The following VPS13D variants were observed in gnomAD, a reference collection of about 807,000 sequenced individuals.
VPS13D encodes vacuolar protein sorting 13 homolog D, also known as intermembrane lipid transfer protein VPS13D.
VPS13D carries 187 observed loss-of-function variants against 461.9 expected under a neutral mutation model. That is an observed-to-expected ratio of 0.40 (90% CI 0.36 to 0.46). The LOEUF is 0.46. Among genes scored for constraint, VPS13D ranks in the 20% least tolerant of loss-of-function variants. The pLI is 0.60. For missense variants in VPS13D, 4,711 were observed against 5,364.9 expected (o/e 0.88, Z 3.81); for synonymous variants, 1,951 against 1,986.3 (o/e 0.98, Z 0.47).
At chr1:12,431,931 G>A (rs1321793615) in intron 65 of VPS13D, among the ~76,000 whole-genome samples, 1 of 152,188 alleles carries the variant, frequency 6.6e-6, no homozygotes. Context: ...GTGGGCAGTG[G>A]TGAGATGTAG....
intron 1 of VPS13D, among the ~76,000 whole-genome samples, chr1:12,231,499 A>G (rs551737190): frequency 8.5e-5 from 13 of 152,326 alleles, no homozygotes; most frequent in African/African-American, 3.1e-4. Context: ...CTTGTTTACA[A>G]ACTGACAGTT....
chr1:12,245,371 GACAA>G (rs1377812869), intron 5 of VPS13D, among the ~76,000 whole-genome samples: 1 of 151,998 alleles, frequency 6.6e-6, no homozygotes, highest in Non-Finnish European at 1.5e-5. Flanking sequence ...ACTTTCCTTT[GACAA>G]ACAAATTTAT....
In VPS13D at chr1:12,256,373, A is replaced by G. The variant is rs1640921433; in HGVS notation, c.710A>G (p.Tyr237Cys). The change falls in exon 8 of 70, where the codon TAC becomes TGC. Residue 237 changes from tyrosine (Y) to cysteine (C), a missense_variant. Physicochemically the swap from Tyr to Cys is radical, Grantham distance 194. This residue lies in a region of VPS13D where 4,411 missense variants were observed against 4,937.8 expected (regional missense o/e 0.89). Transcript: ENST00000620676. ...ARSMESRSHHYVLEPVFASAL... is the reference protein window; with the variant it reads ...ARSMESRSHHCVLEPVFASAL... ...AGCATGGAGAGTCGCAGCCATCACT[A>G]CGTCCTGGAGCCTGTGTTTGCATCT... The G allele has an allele frequency of 2.5e-6, 4 of 1,614,038 alleles. No homozygotes were observed. The highest frequency in any genetic ancestry group is 3.4e-6 in the Non-Finnish European group (4 of 1,180,004).
In VPS13D at chr1:12,433,526, C is replaced by T. The variant is rs116100908; in HGVS notation, c.12333+16699C>T. 6.0e-3 allele frequency among the ~76,000 whole-genome samples: 916 copies of T among 152,298 alleles called. 14 individuals carry two copies. The highest frequency in any genetic ancestry group is 0.021 in the African/African-American group (867 of 41,542). ...GAAGAGTATTAGTTGTTTAATAAAG[C>T]GTGCCTGCCCTCCCGATGAACCCGC... On this transcript the variant is annotated intron_variant, in intron 65 of 69. Coordinates refer to ENST00000620676, the MANE Select transcript of VPS13D (RefSeq NM_015378.4).
At chr1:12,499,370 C>A in intron 68 of VPS13D, 1 of 807,274 alleles carries the variant, frequency 1.2e-6, no homozygotes, top group Non-Finnish European at 1.5e-6. Context: ...TTTTTAGTCA[C>A]AGGCTAAATG....
At chr1:12,357,738 G>A (rs965459665) in intron 49 of VPS13D, among the ~76,000 whole-genome samples, 9 of 152,160 alleles carry the variant, frequency 5.9e-5, no homozygotes, top group Admixed American at 1.3e-4. Context: ...GGCTGGGTAC[G>A]GTGGCTCATG....
chr1:12,330,860 G>C (rs532650308), intron 37 of VPS13D, among the ~76,000 whole-genome samples: 60 of 152,200 alleles, frequency 3.9e-4, no homozygotes, highest in African/African-American at 1.4e-3. Context: ...GAGCCACTGC[G>C]CCCAGCCAAG....
intron 65 of VPS13D, among the ~76,000 whole-genome samples, chr1:12,451,238 T>A (rs1645258995): frequency 6.6e-6 from 1 of 152,242 alleles, no homozygotes; most frequent in South Asian, 2.1e-4. Flanking sequence ...TCTCCATTTG[T>A]GTAGACAATG....
At position 12,473,666 on chromosome 1, in the gene VPS13D, C is replaced by T. The variant is rs1313782783; in HGVS notation, c.12662+13270C>T. 1.3e-5 allele frequency among the ~76,000 whole-genome samples: 2 copies of T among 152,096 alleles called. No individual in the cohort carries two copies. Among genetic ancestry groups the T allele is most frequent in the Non-Finnish European group, 2.9e-5 (2 of 68,010 alleles). ...AAATGGTGTCAGTGTGAATATTCTCCCCTGAATGTTGGAATGTTGTGTGAA... is the reference window on the plus strand; with the variant it reads ...AAATGGTGTCAGTGTGAATATTCTCTCCTGAATGTTGGAATGTTGTGTGAA... On this transcript the variant is annotated intron_variant, in intron 67 of 69. Coordinates refer to ENST00000620676, the MANE Select transcript of VPS13D (RefSeq NM_015378.4). The surrounding 1 kb of genome is among the most constrained non-coding windows in gnomAD (Gnocchi z 4.2).
chr1:12,242,588 C>T lies in VPS13D; in HGVS notation c.173C>T (p.Ala58Val), dbSNP rs1352358804. The change falls in exon 3 of 70, where the codon GCT (alanine) becomes GTT (valine). Residue 58 changes from alanine (A) to valine (V), a missense_variant and splice_region_variant. By Grantham distance (64) the Ala-to-Val change is moderately conservative (BLOSUM62 0). Coordinates refer to ENST00000620676, the MANE Select transcript of VPS13D (RefSeq NM_015378.4). ...KELELPFEVK[A>V]GFIGKVTLQI... is the part of the protein sequence containing the mutation. ...TTGGAATTACCATTTGAAGTCAAAGCTGGTATGTGGAACTAAAGGAGGGGG... is the reference window on the plus strand; with the variant it reads ...TTGGAATTACCATTTGAAGTCAAAGTTGGTATGTGGAACTAAAGGAGGGGG... 2 of 1,613,776 alleles carry T rather than the reference C, an allele frequency of 1.2e-6. No individual in the cohort carries two copies. The highest frequency in any genetic ancestry group is 1.7e-5 in the Admixed American group (1 of 60,006).
In VPS13D at chr1:12,336,130, T is replaced by C. The variant is rs546786615; in HGVS notation, c.8551+303T>C. ...CCTGAGAATGCATCAGGATCAGCTG[T>C]GGTTTGTGTTTTACTCTGCAAAACA... On this transcript the variant is annotated intron_variant, in intron 39 of 69. Transcript: ENST00000620676. 8.5e-5 allele frequency: 22 copies of C among 259,604 alleles called. No individual in the cohort carries two copies. The South Asian group carries it at 1.3e-3, about 16-fold the overall frequency. The allele number at this position is 259,604 out of a possible 1,614,324, so 16.1% of individuals were successfully genotyped here.
Position 12,318,185 on chromosome 1 carries a change from A to G in VPS13D, c.7262A>G (p.Lys2421Arg). 6.2e-7 allele frequency: 1 copy of G among 1,614,212 alleles called. No individual in the cohort carries two copies. The highest frequency in any genetic ancestry group is 8.5e-7 in the Non-Finnish European group (1 of 1,180,040). Residue 2421 changes from lysine to arginine, a missense_variant, in exon 31 of 70, where the codon AAG (lysine) becomes AGG (arginine). Lys to Arg is a conservative substitution (Grantham distance 26). Coordinates refer to ENST00000620676, the MANE Select transcript of VPS13D (RefSeq NM_015378.4). ...HDFLHTPSDI[K>R]KQNHVTPSRH... Reference sequence around the variant, plus strand: ...TTTCTCCACACTCCCAGTGATATTAAGAAACAAAATCATGTTACTCCTTCT... The same window carrying G: ...TTTCTCCACACTCCCAGTGATATTAGGAAACAAAATCATGTTACTCCTTCT...
intron 60 of VPS13D, among the ~76,000 whole-genome samples, chr1:12,390,976 A>G (rs1269549410): frequency 6.6e-6 from 1 of 152,194 alleles, no homozygotes; most frequent in Non-Finnish European, 1.5e-5. Context: ...GAGCACTCAC[A>G]TGGGATACAA....
intron 2 of VPS13D, among the ~76,000 whole-genome samples, chr1:12,239,995 C>T (rs1234910418): frequency 1.3e-5 from 2 of 152,100 alleles, no homozygotes; most frequent in Non-Finnish European, 1.5e-5. Flanking sequence ...AGGGACCTTT[C>T]CCTGCAGGGC....
At position 12,321,887 on chromosome 1, in the gene VPS13D, G is replaced by T. The variant is rs780899902; in HGVS notation, c.7627G>T (p.Val2543Leu). 3.1e-6 allele frequency: 5 copies of T among 1,613,672 alleles called. No individual in the cohort carries two copies. In the South Asian group the frequency reaches 4.4e-5, roughly 14 times the overall value. ...VDPVQIQMEL[V>L]GNSSYQNSSG... ...TCCCGTACAAATTCAAATGGAGTTG[G>T]TGGGGAATTCTTCTTATCAAAATAG... Residue 2543 changes from valine to leucine, a missense_variant, in exon 33 of 70, where the codon GTG becomes TTG. Physicochemically the swap from Val to Leu is conservative, Grantham distance 32 (BLOSUM62 1). Coordinates refer to ENST00000620676, the MANE Select transcript of VPS13D (RefSeq NM_015378.4).
intron 2 of VPS13D, among the ~76,000 whole-genome samples, chr1:12,237,099 GTA>G (rs1194937021): frequency 1.3e-5 from 2 of 151,216 alleles, no homozygotes; most frequent in African/African-American, 4.9e-5. Flanking sequence ...ATATATGTGT[GTA>G]TGTGTGTATA....
At chr1:12,263,312 G>A (rs1030777195) in intron 13 of VPS13D, among the ~76,000 whole-genome samples, 6 of 152,296 alleles carry the variant, frequency 3.9e-5, no homozygotes, top group African/African-American at 9.6e-5. Context: ...TGTTCACAGT[G>A]TGAGAGCTGA....
intron 24 of VPS13D, among the ~76,000 whole-genome samples, chr1:12,295,095 G>A (rs529688974): frequency 3.7e-4 from 56 of 151,848 alleles, no homozygotes; most frequent in African/African-American, 1.3e-3. Context: ...GGTGAGGCAT[G>A]TGTCTGTAGT....
rs1305958622 is a variant in VPS13D at position 12,260,991 on chromosome 1, G to T, written c.1256G>T (p.Gly419Val). Residue 419 changes from glycine to valine, a missense_variant, in exon 12 of 70, where the codon GGA (glycine) becomes GTA (valine). Gly to Val is a moderately radical substitution (Grantham distance 109, BLOSUM62 -3). This residue lies in a region of VPS13D where 4,411 missense variants were observed against 4,937.8 expected (regional missense o/e 0.89). Transcript: ENST00000620676. The stretch of plus-strand genomic sequence containing the variant: ...TTTGATTCTCCAGGAGCCTGTCCGG[G>T]AGCCCCAGAACCCGGTGGAGGCAGT... ...PQFDSPGACP[G>V]APEPGGGSGM... The T allele has an allele frequency of 6.2e-7, 1 of 1,613,870 alleles. No individual in the cohort carries two copies.
Sources: gnomAD v4.1 joint callset for allele counts (sites outside exome capture counted in the v4.1 genomes callset) on GRCh38, gnomAD v4.1.1 for gene constraint, gnomAD v4.1.1 regional missense constraint, Gnocchi (gnomAD v3.1) non-coding constraint, MANE v1.5 for transcripts, NCBI Gene and HGNC (gene_info 2026-07-23, HGNC 2026-07-21) for gene names.